The following CUBN variants were observed in gnomAD, a reference collection of about 807,000 sequenced individuals.
The protein encoded by CUBN is cubilin.
A neutral mutation model predicts 405.3 loss-of-function variants in CUBN; 282 were observed. The ratio of observed to expected loss-of-function variants is 0.70; its 90% CI spans 0.63 to 0.77. The LOEUF (loss-of-function observed/expected upper bound fraction) is 0.77, where lower values mean the gene tolerates loss of function less well. Ranked by LOEUF, CUBN falls within the 30% of genes least tolerant of loss-of-function variation. CUBN has a pLI of 0.00. For synonymous variants in CUBN, 1,684 were observed against 1,617.0 expected, an observed-to-expected ratio of 1.04 and a Z score of -0.99; for missense variants, 4,514 against 4,475.2, an observed-to-expected ratio of 1.01 and a Z score of -0.25.
intron 33 of CUBN, among the ~76,000 whole-genome samples, chr10:16,950,949 T>G (rs1244235587): frequency 6.6e-6 from 1 of 152,186 alleles, no homozygotes; most frequent in African/African-American, 2.4e-5. Context: ...CAGTTTTATT[T>G]TCAGGCTAGA....
chr10:17,001,166 T>A (rs112194931), intron 28 of CUBN, among the ~76,000 whole-genome samples: 3,611 of 152,190 alleles, frequency 0.024, 100 homozygotes, highest in African/African-American at 0.067. Context: ...GCTTCAGGAG[T>A]GAAGGTGGAG....
chr10:17,114,052 A>G lies in CUBN; in HGVS notation c.858T>C (p.Ser286=). The G allele has an allele frequency of 2.5e-6, 4 of 1,613,080 alleles. No individual in the cohort carries two copies. Among genetic ancestry groups the G allele is most frequent in the Non-Finnish European group, 3.4e-6 (4 of 1,179,592 alleles). Residue 286 remains serine, a synonymous_variant, in exon 8 of 67, where the codon TCT becomes TCC. Coordinates refer to ENST00000377833, the MANE Select transcript of CUBN (RefSeq NM_001081.4). ...TLVQCFNTQG[S]FYCGACPTGW... is the part of the protein sequence containing the mutation. ...CTGTTGGACAGGCCCCACAGTAGAA[A>G]GAGCCTTGAGTGTTGAAACACTGCA...
At chr10:16,973,360 G>A (rs1394779523) in intron 31 of CUBN, among the ~76,000 whole-genome samples, 18 of 152,270 alleles carry the variant, frequency 1.2e-4, no homozygotes, top group Non-Finnish European at 2.9e-5. Context: ...AATGATTCCA[G>A]AGCACTGAGC....
chr10:16,947,272 C>G lies in CUBN; in HGVS notation c.5305G>C (p.Val1769Leu), dbSNP rs74116778. 272 of 1,613,932 alleles carry G rather than the reference C, an allele frequency of 1.7e-4. No homozygotes were observed. Among genetic ancestry groups the G allele is most frequent in the Middle Eastern group, 1.2e-3 (7 of 6,062 alleles). ...TGGAGCCGGTTGCCAGGGGAACTGACGATGTTCCAGACACATTCCACATTA... is the reference window on the plus strand; with the variant it reads ...TGGAGCCGGTTGCCAGGGGAACTGAGGATGTTCCAGACACATTCCACATTA... ...PPNVECVWNI[V>L]SSPGNRLQLS... Residue 1769 changes from valine to leucine, a missense_variant, in exon 36 of 67, where the codon GTC (valine) becomes CTC (leucine). This residue lies in a region of CUBN where 1,613 missense variants were observed against 1,542.8 expected (regional missense o/e 1.05). Transcript: ENST00000377833.
chr10:17,016,698 G>T (rs928169098), intron 28 of CUBN, among the ~76,000 whole-genome samples: 1 of 152,088 alleles, frequency 6.6e-6, no homozygotes, highest in Non-Finnish European at 1.5e-5. Flanking sequence ...GGGGGTTTTT[G>T]TGGTCCCTTG....
intron 62 of CUBN, 33 bp downstream of exon 62, chr10:16,840,297 A>G (rs572409927): frequency 6.5e-5 from 101 of 1,543,764 alleles, no homozygotes; most frequent in Middle Eastern, 1.7e-4. Context: ...AAAGGTCACT[A>G]GATGTGACTG....
chr10:17,085,374 T>C (rs1364215528), intron 16 of CUBN, among the ~76,000 whole-genome samples: 1 of 152,196 alleles, frequency 6.6e-6, no homozygotes, highest in Non-Finnish European at 1.5e-5. Context: ...TTTATCATGA[T>C]GTGGATCCCA....
intron 64 of CUBN, among the ~76,000 whole-genome samples, chr10:16,834,260 G>A (rs1160000886): frequency 6.6e-6 from 1 of 152,078 alleles, no homozygotes; most frequent in Non-Finnish European, 1.5e-5. Flanking sequence ...TATGCCCAAT[G>A]CAGCGATGGG....
chr10:16,948,163 C>T (rs1258036420), intron 35 of CUBN, among the ~76,000 whole-genome samples: 2 of 152,174 alleles, frequency 1.3e-5, no homozygotes, highest in East Asian at 1.9e-4. Context: ...GAGCCAAGAC[C>T]GTGCCATTGC....
chr10:17,065,623 C>G lies in CUBN; in HGVS notation c.3024G>C (p.Ser1008=). The change falls in exon 22 of 67, where the codon TCG becomes TCC. Residue 1008 remains serine, a synonymous_variant. Transcript: ENST00000377833. ...ETSLGRYCGK[S]IPPSLTSSGN... ...CACTGCTTGTGAGAGATGGCGGGATCGACTTTCCACAGTATCTATTCCAAA... is the reference window on the plus strand; with the variant it reads ...CACTGCTTGTGAGAGATGGCGGGATGGACTTTCCACAGTATCTATTCCAAA... The G allele has an allele frequency of 6.2e-7, 1 of 1,613,322 alleles. No homozygotes were observed. Among genetic ancestry groups the G allele is most frequent in the Non-Finnish European group, 8.5e-7 (1 of 1,179,444 alleles).
chr10:17,017,189 G>A (rs934480893), intron 28 of CUBN, among the ~76,000 whole-genome samples: 3 of 152,078 alleles, frequency 2.0e-5, no homozygotes, highest in African/African-American at 4.8e-5. Context: ...CCAAGAACCC[G>A]CAACAGTCCC....
At chr10:17,087,409 T>C (rs1194618455) in intron 15 of CUBN, among the ~76,000 whole-genome samples, 2 of 151,442 alleles carry the variant, frequency 1.3e-5, no homozygotes, top group East Asian at 1.9e-4. Context: ...CTCTCAGTAA[T>C]AATGATTACT....
intron 21 of CUBN, among the ~76,000 whole-genome samples, chr10:17,067,806 G>A (rs1282920317): frequency 6.6e-6 from 1 of 152,026 alleles, no homozygotes; most frequent in Non-Finnish European, 1.5e-5. Flanking sequence ...GAATTATAAC[G>A]GAAAGGAAGA....
intron 31 of CUBN, among the ~76,000 whole-genome samples, chr10:16,979,918 G>A (rs536284066): frequency 2.0e-5 from 3 of 152,188 alleles, no homozygotes; most frequent in African/African-American, 7.2e-5. Flanking sequence ...CTACAGAATA[G>A]GAGAAAATTT....
chr10:17,049,179 C>G (rs745377007), intron 22 of CUBN, among the ~76,000 whole-genome samples: 1 of 152,026 alleles, frequency 6.6e-6, no homozygotes, highest in South Asian at 2.1e-4. Flanking sequence ...ATAAAGAGAG[C>G]GGGGAGGAGT....
At chr10:16,920,704 T>G (rs1406905236) in intron 43 of CUBN, among the ~76,000 whole-genome samples, 1 of 152,214 alleles carries the variant, frequency 6.6e-6, no homozygotes, top group African/African-American at 2.4e-5. Flanking sequence ...ATATTTCTTT[T>G]CTAAAAAACC....
chr10:16,934,343 T>C (rs2131596711), intron 39 of CUBN, among the ~76,000 whole-genome samples: 1 of 152,320 alleles, frequency 6.6e-6, no homozygotes, highest in East Asian at 1.9e-4. Context: ...TCTTCACCAT[T>C]TCAGAAGTTT....
intron 31 of CUBN, among the ~76,000 whole-genome samples, chr10:16,976,439 C>G (rs931179381): frequency 6.6e-6 from 1 of 152,088 alleles, no homozygotes; most frequent in Admixed American, 6.5e-5. Context: ...AACAAGCAAT[C>G]TGTTCCCCAC....
chr10:16,882,610 G>A (rs79051478), intron 56 of CUBN, among the ~76,000 whole-genome samples: 10 of 152,282 alleles, frequency 6.6e-5, no homozygotes, highest in South Asian at 4.1e-4. Flanking sequence ...TCTCCAAAGT[G>A]GGGGGAGGGC....
Sources: gnomAD v4.1 joint callset for allele counts (sites outside exome capture counted in the v4.1 genomes callset) on GRCh38, gnomAD v4.1.1 for gene constraint, gnomAD v4.1.1 regional missense constraint, MANE v1.5 for transcripts, NCBI Gene and HGNC (gene_info 2026-07-23, HGNC 2026-07-21) for gene names.